FAS: variants seen among roughly 807,000 people sequenced by gnomAD.
FAS encodes the protein Fas cell surface death receptor.
FAS carries 5 observed loss-of-function variants against 33.2 expected under a neutral mutation model. That is an observed-to-expected ratio of 0.15 (90% CI 0.08 to 0.32). FAS has a LOEUF of 0.32. Among genes scored for constraint, FAS ranks in the 10% least tolerant of loss-of-function variants. The probability of loss-of-function intolerance (pLI) is 1.00; values close to 1 mark genes in which losing one functional copy is unlikely to be tolerated. For missense variants in FAS, 339 were observed against 386.0 expected, an observed-to-expected ratio of 0.88 and a Z score of 1.02; for synonymous variants, 131 against 130.7, an observed-to-expected ratio of 1.00 and a Z score of -0.01.
In FAS at chr10:89,014,728, T is replaced by C. The variant is rs1397828558; in HGVS notation, c.*278T>C. On this transcript the variant is annotated 3_prime_UTR_variant, in exon 9 of 9. Transcript: ENST00000652046. ...TGCAGAGGATGAAAGATTAAGATTA[T>C]GCTCTGGCATCTAACATATGATTCT... 1.6e-6 allele frequency: 1 copy of C among 608,656 alleles called. No homozygotes were observed. The highest frequency in any genetic ancestry group is 3.1e-6 in the Non-Finnish European group (1 of 326,266). The allele number at this position is 608,656 out of a possible 1,614,324, so 37.7% of individuals were successfully genotyped here. A position where few individuals can be genotyped will look rare whatever the true frequency, so the allele number is the denominator to read the frequency against.
rs1415778084 is a variant in FAS at position 89,015,516 on chromosome 10, A to G, written c.*1066A>G. 1.9e-6 allele frequency: 1 copy of G among 534,718 alleles called. No homozygotes were observed. The highest frequency in any genetic ancestry group is 1.5e-5 in the South Asian group (1 of 65,120). The allele number at this position is 534,718 out of a possible 1,614,324, so 33.1% of individuals were successfully genotyped here. A position where few individuals can be genotyped will look rare whatever the true frequency, so the allele number is the denominator to read the frequency against. On this transcript the variant is annotated 3_prime_UTR_variant, in exon 9 of 9. Transcript: ENST00000652046. ...GTAAAATCATCATCTGGATTTAGGAATTGCTCTTGTCATACCCCCAAGTTT... is the reference window on the plus strand; with the variant it reads ...GTAAAATCATCATCTGGATTTAGGAGTTGCTCTTGTCATACCCCCAAGTTT...
chr10:88,974,828 G>A (rs1235784178), intron 2 of FAS: 4 of 152,156 alleles, frequency 2.6e-5, no homozygotes, highest in African/African-American at 9.7e-5. Context: ...TATGTGGAAC[G>A]TGGCCCTGCA....
upstream of FAS, chr10:88,990,762 C>T: frequency 7.3e-7 from 1 of 1,375,172 alleles, no homozygotes; most frequent in East Asian, 2.3e-5. This position sits in a 1 kb window ranked among gnomAD's most constrained non-coding sequence, Gnocchi z 4.9. Flanking sequence ...ACGGAACACA[C>T]CCTGAGGCCA....
rs1031565149 is a variant in FAS, at chr10:89,016,322, G to C, written c.*1872G>C. On this transcript the variant is annotated 3_prime_UTR_variant, in exon 9 of 9. Transcript: ENST00000652046. ...GGCAGAAAGTCTGAGTGATCACAGGGTTCACTCATTAATTTCTCTTTTCTG... is the reference window on the plus strand; with the variant it reads ...GGCAGAAAGTCTGAGTGATCACAGGCTTCACTCATTAATTTCTCTTTTCTG... The C allele has an allele frequency of 4.5e-6, 1 of 220,460 alleles. No individual in the cohort carries two copies. The highest frequency in any genetic ancestry group is 9.1e-6 in the Non-Finnish European group (1 of 110,042). 13.7% of individuals were successfully genotyped at this position (220,460 alleles called of 1,614,324 possible). A position where few individuals can be genotyped will look rare whatever the true frequency, so the allele number is the denominator to read the frequency against.
At chr10:88,990,688 T>C (rs1564669629), upstream of FAS, 2 of 718,702 alleles carry the variant, frequency 2.8e-6, no homozygotes, top group East Asian at 2.7e-5. This position sits in a 1 kb window ranked among gnomAD's most constrained non-coding sequence, Gnocchi z 4.9. Flanking sequence ...TCAAAGACGC[T>C]TCTGGGGAGT....
chr10:89,015,878 T>C lies in FAS; in HGVS notation c.*1428T>C, dbSNP rs770381046. On this transcript the variant is annotated 3_prime_UTR_variant, in exon 9 of 9. Coordinates refer to ENST00000652046, the MANE Select transcript of FAS (RefSeq NM_000043.6). ...CTAAATATAACTTGTCTTTAATGCT[T>C]CTTGGATCCCTTAGAAGGTACTTCC... The C allele has an allele frequency of 2.7e-6, 1 of 368,564 alleles. No individual in the cohort carries two copies. Among genetic ancestry groups the C allele is most frequent in the Non-Finnish European group, 5.1e-6 (1 of 196,496 alleles). 22.8% of individuals were successfully genotyped at this position (368,564 alleles called of 1,614,324 possible).
At chr10:89,010,629 C>G in intron 5 of FAS, 29 bp downstream of exon 5, 1 of 1,611,196 alleles carries the variant, frequency 6.2e-7, no homozygotes, top group Non-Finnish European at 8.5e-7. Context: ...TTATATTCTC[C>G]TTTCCCCCAA....
upstream of FAS, among the ~76,000 whole-genome samples, chr10:88,987,649 C>G (rs1846943760): frequency 2.0e-5 from 3 of 152,236 alleles, no homozygotes; most frequent in South Asian, 6.2e-4. Flanking sequence ...AAAATCTACT[C>G]CAACTGAATG....
At chr10:89,005,781 G>A (rs916962488) in intron 2 of FAS, among the ~76,000 whole-genome samples, 5 of 152,104 alleles carry the variant, frequency 3.3e-5, no homozygotes. Flanking sequence ...GGGACTACAG[G>A]AGCACACCAC....
At chr10:89,003,291 C>A in intron 2 of FAS, 97 bp downstream of exon 2, 1 of 1,369,762 alleles carries the variant, frequency 7.3e-7, no homozygotes, top group Non-Finnish European at 1.0e-6. Context: ...TTTTTGGTTC[C>A]CCTATATTAT....
intron 7 of FAS, among the ~76,000 whole-genome samples, chr10:89,013,029 A>G (rs1589487780): frequency 1.3e-5 from 2 of 152,252 alleles, no homozygotes; most frequent in African/African-American, 2.4e-5. Context: ...ATTTTAGAGT[A>G]GTTATATTTA....
At chr10:88,969,984 A>G (rs1328645049) in intron 1 of FAS, among the ~76,000 whole-genome samples, 2 of 152,160 alleles carry the variant, frequency 1.3e-5, no homozygotes, top group Non-Finnish European at 2.9e-5. Flanking sequence ...TAAAATAAAC[A>G]CTTTTTGGAA....
At chr10:88,967,703 G>A (rs1281719574) in intron 1 of FAS, among the ~76,000 whole-genome samples, 1 of 152,168 alleles carries the variant, frequency 6.6e-6, no homozygotes, top group Non-Finnish European at 1.5e-5. Context: ...TTTTGTTACT[G>A]TAAGCCATGT....
rs1848675068 is a variant in FAS at position 89,014,218 on chromosome 10, T to C, written c.776T>C (p.Ile259Thr). 6.2e-7 allele frequency: 1 copy of C among 1,613,922 alleles called. No homozygotes were observed. Among genetic ancestry groups the C allele is most frequent in the Non-Finnish European group, 8.5e-7 (1 of 1,179,922 alleles). ...AAGAATGGTGTCAATGAAGCCAAAATAGATGAGATCAAGAATGACAATGTC... is the reference window on the plus strand; with the variant it reads ...AAGAATGGTGTCAATGAAGCCAAAACAGATGAGATCAAGAATGACAATGTC... ...VRKNGVNEAK[I>T]DEIKNDNVQD... Residue 259 changes from isoleucine to threonine, a missense_variant, in exon 9 of 9, where the codon ATA (isoleucine) becomes ACA (threonine). Transcript: ENST00000652046.
At chr10:88,980,832 T>C (rs1038917219) in intron 2 of FAS, among the ~76,000 whole-genome samples, 4 of 152,208 alleles carry the variant, frequency 2.6e-5, no homozygotes, top group African/African-American at 9.7e-5. Flanking sequence ...TTATCTGATA[T>C]GTAAATTTAA....
chr10:88,972,069 C>T (rs1271696494), intron 1 of FAS, among the ~76,000 whole-genome samples: 1 of 151,986 alleles, frequency 6.6e-6, no homozygotes, highest in Non-Finnish European at 1.5e-5. Flanking sequence ...CCACCACGCC[C>T]AGTTAATTTT....
upstream of FAS, chr10:88,990,778 G>A (rs12251390): frequency 1.1e-3 from 1,665 of 1,521,730 alleles, 17 homozygotes; most frequent in African/African-American, 0.021. The surrounding 1 kb of genome is among the most constrained non-coding windows in gnomAD (Gnocchi z 4.9). Context: ...GGCCAGCCCT[G>A]GCTGCCCAGG....
At chr10:89,007,639 T>C in intron 2 of FAS, 61 bp from the exon 3 acceptor site, 2 of 1,581,606 alleles carry the variant, frequency 1.3e-6, no homozygotes, top group East Asian at 4.6e-5. Flanking sequence ...CCCTCTATAG[T>C]TCCCACCCTG....
rs2229521 is a variant in FAS at position 89,007,725 on chromosome 10, A to G, written c.222A>G (p.Thr74=). The change falls in exon 3 of 9, where the codon ACA becomes ACG. Residue 74 remains threonine (T), a synonymous_variant. Transcript: ENST00000652046. Reference sequence around the variant, plus strand: ...GTGAAAGGAAAGCTAGGGACTGCACAGTCAATGGGGATGAACCAGACTGCG... The same window carrying G: ...GTGAAAGGAAAGCTAGGGACTGCACGGTCAATGGGGATGAACCAGACTGCG... ...PPGERKARDC[T]VNGDEPDCVP... is the part of the protein sequence containing the mutation. The G allele has an allele frequency of 0.049, 79,148 of 1,613,964 alleles. 2,810 individuals are homozygous for G. The highest frequency in any genetic ancestry group is 0.18 in the Admixed American group (10,668 of 59,944).
Sources: allele counts gnomAD v4.1 joint callset (sites outside exome capture counted in the v4.1 genomes callset), GRCh38; gene constraint gnomAD v4.1.1; non-coding constraint Gnocchi (gnomAD v3.1); transcripts MANE v1.5; gene names NCBI Gene and HGNC (gene_info 2026-07-23, HGNC 2026-07-21).